NRXN3: variants seen among roughly 807,000 people sequenced by gnomAD.
NRXN3 encodes the protein neurexin III.
NRXN3 carries 32 observed loss-of-function variants against 137.6 expected under a neutral mutation model. That is an observed-to-expected ratio of 0.23 (90% CI 0.18 to 0.31). The LOEUF (loss-of-function observed/expected upper bound fraction) is 0.31. NRXN3 is among the 10% of genes least tolerant of loss of function. The pLI, the probability that NRXN3 is intolerant of heterozygous loss-of-function variation, is 1.00. For synonymous variants in NRXN3, 798 were observed against 784.5 expected (o/e 1.02, Z -0.29); for missense variants, 1,574 against 2,062.5 (o/e 0.76, Z 4.59).
intron 4 of NRXN3, among the ~76,000 whole-genome samples, chr14:78,590,046 G>T (rs1253857680): frequency 6.6e-6 from 1 of 152,208 alleles, no homozygotes; most frequent in Non-Finnish European, 1.5e-5. Context: ...AAGGAAGGGG[G>T]ATCGAAACCA....
intron 6 of NRXN3, among the ~76,000 whole-genome samples, chr14:78,686,696 G>A (rs192393719): frequency 1.5e-3 from 231 of 152,262 alleles, no homozygotes; most frequent in African/African-American, 5.4e-3. Context: ...TATATATGAA[G>A]TAAAAAATCA....
chr14:78,640,773 A>T (rs2097618748), intron 4 of NRXN3, among the ~76,000 whole-genome samples: 1 of 152,226 alleles, frequency 6.6e-6, no homozygotes, highest in Admixed American at 6.5e-5. Flanking sequence ...CTTACAAATA[A>T]TGGATAAATG....
At chr14:79,763,756 C>G (rs1237440510) in intron 19 of NRXN3, among the ~76,000 whole-genome samples, 1 of 151,368 alleles carries the variant, frequency 6.6e-6, no homozygotes, top group African/African-American at 2.5e-5. Flanking sequence ...GAATTAATCC[C>G]ACTTATGAGG....
chr14:78,484,016 A>ACACACG, intron 4 of NRXN3, among the ~76,000 whole-genome samples: 1 of 147,908 alleles, frequency 6.8e-6, no homozygotes, highest in Non-Finnish European at 1.5e-5. Flanking sequence ...ACACACACAC[A>ACACACG]CACACACACA....
intron 20 of NRXN3, among the ~76,000 whole-genome samples, chr14:79,814,840 GC>G (rs975832916): frequency 2.1e-4 from 32 of 152,182 alleles, no homozygotes; most frequent in African/African-American, 7.7e-4. Flanking sequence ...ATTACAAAAT[GC>G]ATTTATGTTT....
intron 15 of NRXN3, among the ~76,000 whole-genome samples, chr14:78,996,989 A>G (rs1369721303): frequency 6.6e-6 from 1 of 152,122 alleles, no homozygotes; most frequent in African/African-American, 2.4e-5. Context: ...CATGGGAATC[A>G]CACTTGCTTT....
chr14:79,352,615 A>G (rs1035172242), intron 15 of NRXN3, among the ~76,000 whole-genome samples: 2 of 152,144 alleles, frequency 1.3e-5, no homozygotes, highest in African/African-American at 4.8e-5. Context: ...TTCTGGAAAG[A>G]AGTTTTAAAA....
At chr14:79,776,221 G>T (rs1200769421) in intron 19 of NRXN3, among the ~76,000 whole-genome samples, 1 of 152,108 alleles carries the variant, frequency 6.6e-6, no homozygotes, top group African/African-American at 2.4e-5. Flanking sequence ...CAATCATTTT[G>T]TGGTTATATT....
chr14:78,642,770 A>G (rs1440149701), intron 4 of NRXN3, among the ~76,000 whole-genome samples: 1 of 152,210 alleles, frequency 6.6e-6, no homozygotes, highest in Non-Finnish European at 1.5e-5. Flanking sequence ...ATGAGGGGAG[A>G]GATCATGACA....
At chr14:78,493,104 G>T (rs1168142362) in intron 4 of NRXN3, among the ~76,000 whole-genome samples, 1 of 152,168 alleles carries the variant, frequency 6.6e-6, no homozygotes, top group Non-Finnish European at 1.5e-5. Context: ...AATTGCTACA[G>T]ATGGTTGACT....
intron 19 of NRXN3, among the ~76,000 whole-genome samples, chr14:79,781,057 T>C (rs920257973): frequency 2.6e-5 from 4 of 151,272 alleles, no homozygotes; most frequent in Non-Finnish European, 4.4e-5. Flanking sequence ...TTTTTTTAAA[T>C]AATTAACTAA....
intron 15 of NRXN3, chr14:79,314,296 G>C (rs1365114370): frequency 3.5e-5 from 4 of 113,736 alleles, no homozygotes; most frequent in African/African-American, 1.4e-4. Context: ...GTCAAAGAAA[G>C]GGGTGACGGA....
At chr14:78,843,511 A>G (rs2099018457) in intron 10 of NRXN3, among the ~76,000 whole-genome samples, 1 of 152,166 alleles carries the variant, frequency 6.6e-6, no homozygotes, top group African/African-American at 2.4e-5. Context: ...GCTAGAAAGA[A>G]TCTTAAAATC....
intron 10 of NRXN3, among the ~76,000 whole-genome samples, chr14:78,922,671 G>A (rs1474792021): frequency 6.6e-6 from 1 of 152,120 alleles, no homozygotes; most frequent in Non-Finnish European, 1.5e-5. Flanking sequence ...ACACAGGGAG[G>A]GGAACATCAC....
At chr14:78,573,832 A>G (rs959120406) in intron 4 of NRXN3, among the ~76,000 whole-genome samples, 5 of 152,254 alleles carry the variant, frequency 3.3e-5, no homozygotes, top group South Asian at 2.1e-4. Flanking sequence ...TGCATAAGTA[A>G]TGAGGAGCCA....
At chr14:78,637,049 C>T (rs1310675339) in intron 4 of NRXN3, among the ~76,000 whole-genome samples, 1 of 152,056 alleles carries the variant, frequency 6.6e-6, no homozygotes, top group Non-Finnish European at 1.5e-5. Context: ...CCTCTCTAGC[C>T]ATTTGTCCAC....
At chr14:79,188,179 T>A (rs2153164526) in intron 15 of NRXN3, among the ~76,000 whole-genome samples, 1 of 152,344 alleles carries the variant, frequency 6.6e-6, no homozygotes, top group South Asian at 2.1e-4. Flanking sequence ...ATTTATTAAA[T>A]TCAGTACTTT....
chr14:78,493,438 A>G (rs951422596), intron 4 of NRXN3, among the ~76,000 whole-genome samples: 1 of 151,654 alleles, frequency 6.6e-6, no homozygotes, highest in Non-Finnish European at 1.5e-5. Flanking sequence ...CAGGAGAATC[A>G]CTTGAACCTG....
At chr14:79,005,126 T>C (rs1233464841) in intron 15 of NRXN3, among the ~76,000 whole-genome samples, 1 of 152,244 alleles carries the variant, frequency 6.6e-6, no homozygotes, top group East Asian at 1.9e-4. Context: ...TCTGTGTCAA[T>C]AATCTCAAAT....
Sources: allele counts gnomAD v4.1 joint callset (sites outside exome capture counted in the v4.1 genomes callset), GRCh38; gene constraint gnomAD v4.1.1; transcripts MANE v1.5; gene names NCBI Gene and HGNC (gene_info 2026-07-23, HGNC 2026-07-21).